The following CDH19 variants were observed in gnomAD, a reference collection of about 807,000 sequenced individuals.
CDH19 encodes cadherin 19.
CDH19 carries 67 observed loss-of-function variants against 64.2 expected under a neutral mutation model. That is an observed-to-expected ratio of 1.04 (90% CI 0.86 to 1.28). The LOEUF (loss-of-function observed/expected upper bound fraction) is 1.28. Ranked by LOEUF, CDH19 falls within the 50% of genes most tolerant of loss-of-function variation. CDH19 has a pLI of 0.00. For synonymous variants in CDH19, 346 were observed against 319.3 expected (o/e 1.08, Z -0.89); for missense variants, 1,030 against 929.0 (o/e 1.11, Z -1.41).
In CDH19 at chr18:66,572,137, G is replaced by T; in HGVS notation, c.68C>A (p.Thr23Lys). 1 of 1,611,530 alleles carries T rather than the reference G, an allele frequency of 6.2e-7. No individual in the cohort carries two copies. The highest frequency in any genetic ancestry group is 8.5e-7 in the Non-Finnish European group (1 of 1,178,426). ...GACTTTCTTTGTTTGAGAGTTTTCTGTTGCTCCAAGACAAGGCCATAGGAG... is the reference window on the plus strand; with the variant it reads ...GACTTTCTTTGTTTGAGAGTTTTCTTTTGCTCCAAGACAAGGCCATAGGAG... ...IPLLWPCLGA[T>K]ENSQTKKVKQ... Residue 23 changes from threonine to lysine, a missense_variant, in exon 2 of 12, where the codon ACA (threonine) becomes AAA (lysine). Transcript: ENST00000262150.
At chr18:66,568,360 A>G in intron 3 of CDH19, 56 bp downstream of exon 3, 3 of 1,377,526 alleles carry the variant, frequency 2.2e-6, no homozygotes, top group Non-Finnish European at 1.0e-6. Context: ...ATATCCTTCA[A>G]ATTTTAAACC....
intron 11 of CDH19, among the ~76,000 whole-genome samples, chr18:66,507,330 T>C (rs1985250762): frequency 1.3e-5 from 2 of 151,906 alleles, no homozygotes; most frequent in African/African-American, 4.8e-5. Flanking sequence ...GAAAGATAAG[T>C]TAAGTGAAGA....
At chr18:66,521,362 TAA>T (rs1985974443) in intron 9 of CDH19, among the ~76,000 whole-genome samples, 1 of 152,132 alleles carries the variant, frequency 6.6e-6, no homozygotes, top group South Asian at 2.1e-4. Flanking sequence ...GTATTTACAT[TAA>T]GTCATTTACT....
At chr18:66,585,620 T>C (rs564260087) in intron 1 of CDH19, among the ~76,000 whole-genome samples, 7 of 152,222 alleles carry the variant, frequency 4.6e-5, no homozygotes, top group Non-Finnish European at 1.0e-4. Flanking sequence ...AAATAGCTAT[T>C]GACAGGTGAA....
chr18:66,505,073 C>A lies in CDH19; in HGVS notation c.2058G>T (p.Leu686Phe). The A allele has an allele frequency of 6.2e-7, 1 of 1,613,720 alleles. No homozygotes were observed. Among genetic ancestry groups the A allele is most frequent in the Admixed American group, 1.7e-5 (1 of 59,950 alleles). Residue 686 changes from leucine to phenylalanine, a missense_variant, in exon 12 of 12, where the codon TTG becomes TTT. By Grantham distance (22) the Leu-to-Phe change is conservative. Transcript: ENST00000262150. ...AEIRSLYRQS[L>F]QVGPDSAIFR... is the part of the protein sequence containing the mutation. ...ATATGGCACTGTCGGGGCCAACTTGCAAAGACTGCCTGTATAGGCTCCTGA... is the reference window on the plus strand; with the variant it reads ...ATATGGCACTGTCGGGGCCAACTTGAAAAGACTGCCTGTATAGGCTCCTGA...
chr18:66,517,501 T>A (rs1985789680), intron 9 of CDH19, among the ~76,000 whole-genome samples: 1 of 152,084 alleles, frequency 6.6e-6, no homozygotes, highest in South Asian at 2.1e-4. Flanking sequence ...CTGAAAATTC[T>A]CTCCTACTCT....
At chr18:66,532,489 TAC>T (rs34280650) in intron 8 of CDH19, 1,541 of 145,958 alleles carry the variant, frequency 0.011, 3 homozygotes, top group South Asian at 0.035. Flanking sequence ...AGAGCATTCA[TAC>T]ACACACACAC....
In CDH19 at chr18:66,602,867, G is replaced by A. The variant is rs1989071637; in HGVS notation, c.-113+1087C>T. Among the ~76,000 whole-genome samples, 3 of 151,538 alleles carry A rather than the reference G, an allele frequency of 2.0e-5. No homozygotes were observed. In the South Asian group the frequency reaches 6.3e-4, roughly 32 times the overall value. ...TCAATATAAATGTTCACATTACATT[G>A]AAATTTAAATTCTTTGAAATCAAAA... is the stretch of plus-strand genomic sequence containing the variant. On this transcript the variant is annotated intron_variant, in intron 1 of 11. Transcript: ENST00000262150.
At chr18:66,532,790 G>C in intron 8 of CDH19, 2 of 434,382 alleles carry the variant, frequency 4.6e-6, no homozygotes, top group East Asian at 1.4e-4. Flanking sequence ...TTGTCATAAA[G>C]ACATGAAAAG....
At chr18:66,530,157 A>G (rs1251760904) in intron 8 of CDH19, among the ~76,000 whole-genome samples, 191 bp from the exon 9 acceptor site, 2 of 152,082 alleles carry the variant, frequency 1.3e-5, no homozygotes, top group Non-Finnish European at 2.9e-5. Flanking sequence ...TCCATGCTCA[A>G]TATATTCAAA....
chr18:66,547,665 T>TAAATGTGTAATATATATG (rs1568191355), intron 5 of CDH19, among the ~76,000 whole-genome samples: 2 of 133,578 alleles, frequency 1.5e-5, no homozygotes, highest in African/African-American at 5.8e-5. Context: ...TGTTAGGTTT[T>TAAATGTGTAATATATATG]TTTTTTTTTT....
intron 1 of CDH19, among the ~76,000 whole-genome samples, chr18:66,576,835 A>G (rs1320526015): frequency 6.6e-6 from 1 of 151,720 alleles, no homozygotes; most frequent in African/African-American, 2.4e-5. Flanking sequence ...ATCTATAAAA[A>G]TACTGGTAAA....
At chr18:66,575,918 CAGCAT>C (rs1469616710) in intron 1 of CDH19, among the ~76,000 whole-genome samples, 4 of 151,554 alleles carry the variant, frequency 2.6e-5, no homozygotes, top group African/African-American at 9.7e-5. Context: ...ATGAAATTAA[CAGCAT>C]AAAGATTAGG....
intron 4 of CDH19, 48 bp from the exon 5 acceptor site, chr18:66,551,306 A>G (rs1412062997): frequency 9.8e-7 from 1 of 1,023,136 alleles, no homozygotes; most frequent in South Asian, 1.4e-5. Flanking sequence ...TAATCATGAC[A>G]AAGTTCTAGT....
chr18:66,584,692 C>T (rs1988524426), intron 1 of CDH19, among the ~76,000 whole-genome samples: 1 of 152,098 alleles, frequency 6.6e-6, no homozygotes, highest in South Asian at 2.1e-4. Context: ...ATGTGGTACA[C>T]ATATACCATG....
chr18:66,535,628 T>TAC (rs976243104), intron 7 of CDH19, among the ~76,000 whole-genome samples: 8 of 146,938 alleles, frequency 5.4e-5, no homozygotes, highest in African/African-American at 1.7e-4. Context: ...TATATATATA[T>TAC]ATATAAACAT....
chr18:66,576,980 C>T (rs1360199471), intron 1 of CDH19, among the ~76,000 whole-genome samples: 2 of 151,284 alleles, frequency 1.3e-5, no homozygotes, highest in Non-Finnish European at 3.0e-5. Flanking sequence ...ATAAATAATT[C>T]AAAGATTGGG....
Position 66,502,443 on chromosome 18 carries a change from A to G in CDH19, c.*2369T>C, listed in dbSNP as rs939787139. ...ATGAGTTGTTTATCCAAATGTATTC[A>G]TTGTTTATAAGGCTTTTATTCATAC... On this transcript the variant is annotated 3_prime_UTR_variant, in exon 12 of 12. Transcript: ENST00000262150. The G allele has an allele frequency of 1.3e-5, 2 of 151,974 alleles. No individual in the cohort carries two copies. Among genetic ancestry groups the G allele is most frequent in the African/African-American group, 4.8e-5 (2 of 41,446 alleles). 9.4% of individuals were successfully genotyped at this position (151,974 alleles called of 1,614,324 possible).
At chr18:66,562,150 GTCTGGGGATGA>G (rs1046482769) in intron 3 of CDH19, among the ~76,000 whole-genome samples, 1 of 151,744 alleles carries the variant, frequency 6.6e-6, no homozygotes, top group African/African-American at 2.4e-5. Context: ...CATGGGGATG[GTCTGGGGATGA>G]TTAAAGCGCA....
Sources: allele counts gnomAD v4.1 joint callset (sites outside exome capture counted in the v4.1 genomes callset), GRCh38; gene constraint gnomAD v4.1.1; transcripts MANE v1.5; gene names NCBI Gene and HGNC (gene_info 2026-07-23, HGNC 2026-07-21).